The following KMT2A variants were observed in gnomAD, a reference collection of about 807,000 sequenced individuals.
KMT2A encodes the protein lysine methyltransferase 2A.
A neutral mutation model predicts 345.3 loss-of-function variants in KMT2A; 16 were observed. The ratio of observed to expected loss-of-function variants is 0.05; its 90% CI spans 0.03 to 0.07. The LOEUF (loss-of-function observed/expected upper bound fraction) is 0.07, where lower values mean the gene tolerates loss of function less well. KMT2A is among the 10% of genes least tolerant of loss of function. The pLI, the probability that KMT2A is intolerant of heterozygous loss-of-function variation, is 1.00. For synonymous variants in KMT2A, 1,599 were observed against 1,778.6 expected, an observed-to-expected ratio of 0.90 and a Z score of 2.54; for missense variants, 3,272 against 4,841.6, an observed-to-expected ratio of 0.68 and a Z score of 9.62.
At chr11:118,499,705 C>T (rs1950468837) in intron 23 of KMT2A, 130 bp from the exon 24 acceptor site, 2 of 708,756 alleles carry the variant, frequency 2.8e-6, no homozygotes, top group South Asian at 3.4e-5. Flanking sequence ...ACTTGAACCC[C>T]GGAGGCAGAG....
chr11:118,505,618 C>A lies in KMT2A; in HGVS notation c.9726C>A (p.Thr3242=), dbSNP rs539529548. The A allele has an allele frequency of 6.2e-7, 1 of 1,614,142 alleles. No homozygotes were observed. Among genetic ancestry groups the A allele is most frequent in the East Asian group, 2.2e-5 (1 of 44,888 alleles). ...RKNKKLAPSS[T]PSNIAPSDVV... ...ATAAAAAACTTGCTCCCTCTAGTACCCCTTCAAACATTGCCCCTTCTGATG... is the reference window on the plus strand; with the variant it reads ...ATAAAAAACTTGCTCCCTCTAGTACACCTTCAAACATTGCCCCTTCTGATG... The change falls in exon 27 of 36, where the codon ACC becomes ACA. Residue 3242 remains threonine, a synonymous_variant. Coordinates refer to ENST00000534358, the MANE Select transcript of KMT2A (RefSeq NM_001197104.2). The surrounding 1 kb of genome is among the most constrained non-coding windows in gnomAD (Gnocchi z 4.6).
At position 118,524,379 on chromosome 11, in the gene KMT2A, C is replaced by G. The variant is rs1951036573; in HGVS notation, c.*2207C>G. Reference sequence around the variant, plus strand: ...GCCCAGCACTCTCTGCCCCAGGACTCATGGCTCTGCTGTGCCTTCCATCCT... The same window carrying G: ...GCCCAGCACTCTCTGCCCCAGGACTGATGGCTCTGCTGTGCCTTCCATCCT... On this transcript the variant is annotated 3_prime_UTR_variant, in exon 36 of 36. Coordinates refer to ENST00000534358, the MANE Select transcript of KMT2A (RefSeq NM_001197104.2). 1 of 192,844 alleles carries G rather than the reference C, an allele frequency of 5.2e-6. No individual in the cohort carries two copies. Among genetic ancestry groups the G allele is most frequent in the Non-Finnish European group, 1.1e-5 (1 of 91,982 alleles). 11.9% of individuals were successfully genotyped at this position (192,844 alleles called of 1,614,324 possible). A position where few individuals can be genotyped will look rare whatever the true frequency, so the allele number is the denominator to read the frequency against.
At position 118,475,134 on chromosome 11, in the gene KMT2A, A is replaced by AAAAT. The variant is rs556259724; in HGVS notation, c.3156+839_3156+842dup. Among the ~76,000 whole-genome samples the AAAAT allele has an allele frequency of 2.5e-3, 382 of 152,248 alleles. 1 individual carries two copies. Among genetic ancestry groups the AAAAT allele is most frequent in the African/African-American group, 8.4e-3 (347 of 41,526 alleles). ...GGCCAATAGAGTAAGTCTCTATCTC[A>AAAAT]AAATAAATAAATAAATAAATAAACA... On this transcript the variant is annotated intron_variant, in intron 3 of 35. Transcript: ENST00000534358.
chr11:118,487,324 G>C (rs1200934301), intron 10 of KMT2A, among the ~76,000 whole-genome samples: 4 of 152,030 alleles, frequency 2.6e-5, no homozygotes, highest in Non-Finnish European at 5.9e-5. Flanking sequence ...GTTGTACATA[G>C]CAATCTCACA....
Position 118,497,620 on chromosome 11 carries a change from A to G in KMT2A, c.5665-316A>G, listed in dbSNP as rs1021048286. On this transcript the variant is annotated intron_variant, in intron 20 of 35. Coordinates refer to ENST00000534358, the MANE Select transcript of KMT2A (RefSeq NM_001197104.2). The surrounding 1 kb of genome is among the most constrained non-coding windows in gnomAD (Gnocchi z 4.8). ...CCTATGTTGCCCAGGCTGGTCTCAA[A>G]CTCTTGGGCTCAAGCGATCCTACCA... Among the ~76,000 whole-genome samples the G allele has an allele frequency of 6.6e-6, 1 of 151,470 alleles. No homozygotes were observed. Among genetic ancestry groups the G allele is most frequent in the Admixed American group, 6.6e-5 (1 of 15,196 alleles).
In KMT2A at chr11:118,494,845, T is replaced by C; in HGVS notation, c.5363+78T>C. The C allele has an allele frequency of 1.7e-6, 2 of 1,174,796 alleles. No homozygotes were observed. The highest frequency in any genetic ancestry group is 2.5e-6 in the Non-Finnish European group (2 of 796,176). The allele number at this position is 1,174,796 out of a possible 1,614,324, so 72.8% of individuals were successfully genotyped here. ...AGTTCTCATATTTCTAGATTGCAGT[T>C]TTCCAAAAGGTTTTAATACTAGAAA... On this transcript the variant is annotated intron_variant, in intron 18 of 35. Coordinates refer to ENST00000534358, the MANE Select transcript of KMT2A (RefSeq NM_001197104.2). This position sits in a 1 kb window ranked among gnomAD's most constrained non-coding sequence, Gnocchi z 5.8.
At position 118,494,351 on chromosome 11, in the gene KMT2A, C is replaced by A. The variant is rs2134349823; in HGVS notation, c.5242C>A (p.Pro1748Thr). The change falls in exon 17 of 36, where the codon CCA becomes ACA. Residue 1748 changes from proline (P) to threonine (T), a missense_variant. Pro to Thr is a conservative substitution (Grantham distance 38). This residue lies in a region of KMT2A where 235 missense variants were observed against 503.4 expected (regional missense o/e 0.47). Coordinates refer to ENST00000534358, the MANE Select transcript of KMT2A (RefSeq NM_001197104.2). The surrounding 1 kb of genome is among the most constrained non-coding windows in gnomAD (Gnocchi z 5.8). ...AGCCATTAATTCAGATGGAGGACAG[C>A]CAGAAATTAAAAAAGCCAACAGCAT... Reference protein sequence around the residue: ...QAAINSDGGQPEIKKANSMVK... With the variant: ...QAAINSDGGQTEIKKANSMVK... 6.2e-7 allele frequency: 1 copy of A among 1,610,362 alleles called. No individual in the cohort carries two copies. Among genetic ancestry groups the A allele is most frequent in the South Asian group, 1.1e-5 (1 of 90,980 alleles).
At position 118,473,474 on chromosome 11, in the gene KMT2A, C is replaced by T. The variant is rs2134267463; in HGVS notation, c.2315C>T (p.Pro772Leu). Reference sequence around the variant, plus strand: ...AGTTCTGAGCTCTCACCTCTCACCCCCCCGTCTTCTGTCTCTTCCTCGTTA... The same window carrying T: ...AGTTCTGAGCTCTCACCTCTCACCCTCCCGTCTTCTGTCTCTTCCTCGTTA... ...LSSSELSPLT[P>L]PSSVSSSLSI... Residue 772 changes from proline (P) to leucine (L), a missense_variant, in exon 3 of 36, where the codon CCC becomes CTC. Pro to Leu is a moderately conservative substitution (Grantham distance 98). Transcript: ENST00000534358. This position sits in a 1 kb window ranked among gnomAD's most constrained non-coding sequence, Gnocchi z 5.2. 1 of 1,614,180 alleles carries T rather than the reference C, an allele frequency of 6.2e-7. No homozygotes were observed. The highest frequency in any genetic ancestry group is 8.5e-7 in the Non-Finnish European group (1 of 1,180,040).
At position 118,488,816 on chromosome 11, in the gene KMT2A, T is replaced by G; in HGVS notation, c.4479+56T>G. The G allele has an allele frequency of 9.0e-6, 14 of 1,555,418 alleles. No individual in the cohort carries two copies. In the South Asian group the frequency reaches 1.5e-4, roughly 17 times the overall value. ...GGCCTCTGTATCAGTGGGTTCTGTA[T>G]CCCTGGACTCAACCAACCTTGGATT... On this transcript the variant is annotated intron_variant, in intron 11 of 35. Coordinates refer to ENST00000534358, the MANE Select transcript of KMT2A (RefSeq NM_001197104.2).
intron 24 of KMT2A, chr11:118,500,631 C>A (rs1199105768): frequency 6.2e-6 from 1 of 160,716 alleles, no homozygotes; most frequent in Non-Finnish European, 1.4e-5. Flanking sequence ...ATTTTCAGGC[C>A]GTACTTTGTA....
rs1159652535 is a variant in KMT2A at position 118,478,208 on chromosome 11, G to A, written c.3569+7G>A. The A allele has an allele frequency of 6.2e-7, 1 of 1,605,700 alleles. No individual in the cohort carries two copies. ...TAAAGAAGCAGTGCTGCAAGTAAGTGGGTGTTTCACTCTGAGATGTTGACC... is the reference window on the plus strand; with the variant it reads ...TAAAGAAGCAGTGCTGCAAGTAAGTAGGTGTTTCACTCTGAGATGTTGACC... On this transcript the variant is annotated splice_region_variant and intron_variant, in intron 5 of 35. Transcript: ENST00000534358.
At chr11:118,516,812 A>G (rs2135266949) in intron 31 of KMT2A, among the ~76,000 whole-genome samples, 1 of 152,332 alleles carries the variant, frequency 6.6e-6, no homozygotes, top group Middle Eastern at 3.4e-3. Context: ...TGCACATTGC[A>G]TGGTTTGTAT....
rs1950325069 is a variant in KMT2A at position 118,491,603 on chromosome 11, G to C, written c.4820-141G>C. On this transcript the variant is annotated intron_variant, in intron 14 of 35. Transcript: ENST00000534358. This position sits in a 1 kb window ranked among gnomAD's most constrained non-coding sequence, Gnocchi z 4.2. ...TAATGCCACTTTTTGAGATCAATAT[G>C]TGTCATATCCATGAGGACATTAAAA... 1 of 686,128 alleles carries C rather than the reference G, an allele frequency of 1.5e-6. No individual in the cohort carries two copies. Among genetic ancestry groups the C allele is most frequent in the African/African-American group, 1.8e-5 (1 of 55,738 alleles). 42.5% of individuals were successfully genotyped at this position (686,128 alleles called of 1,614,324 possible).
At position 118,510,267 on chromosome 11, in the gene KMT2A, A is replaced by G; in HGVS notation, c.11071+149A>G. On this transcript the variant is annotated intron_variant, in intron 30 of 35. Transcript: ENST00000534358. This position sits in a 1 kb window ranked among gnomAD's most constrained non-coding sequence, Gnocchi z 4.1. ...GCATCATACATTTTCCTTGTCCTTGAGAAGTTTGTCTTATTGGAGAAATAG... is the reference window on the plus strand; with the variant it reads ...GCATCATACATTTTCCTTGTCCTTGGGAAGTTTGTCTTATTGGAGAAATAG... 1.6e-6 allele frequency: 1 copy of G among 610,602 alleles called. No homozygotes were observed. Among genetic ancestry groups the G allele is most frequent in the East Asian group, 2.9e-5 (1 of 34,872 alleles). 37.8% of individuals were successfully genotyped at this position (610,602 alleles called of 1,614,324 possible). A position where few individuals can be genotyped will look rare whatever the true frequency, so the allele number is the denominator to read the frequency against.
chr11:118,467,376 C>CAA (rs782320114), intron 1 of KMT2A, among the ~76,000 whole-genome samples: 6 of 114,216 alleles, frequency 5.3e-5, no homozygotes, highest in African/African-American at 1.6e-4. Context: ...GACTCCGTCT[C>CAA]AAAAAAAAAA....
chr11:118,501,373 G>A (rs1386098165), intron 25 of KMT2A, among the ~76,000 whole-genome samples: 1 of 152,010 alleles, frequency 6.6e-6, no homozygotes, highest in Non-Finnish European at 1.5e-5. Context: ...GGAGGCAGAG[G>A]CACAAGAATC....
chr11:118,480,271 C>T lies in KMT2A; in HGVS notation c.3634+33C>T, dbSNP rs782015263. On this transcript the variant is annotated intron_variant, in intron 6 of 35. Coordinates refer to ENST00000534358, the MANE Select transcript of KMT2A (RefSeq NM_001197104.2). The stretch of plus-strand genomic sequence containing the variant: ...TGTTAAAAAGGTCTTCCCCCAAATG[C>T]TCCTTGCTTAAATGGTGTATAGTTG... 13 of 1,567,864 alleles carry T rather than the reference C, an allele frequency of 8.3e-6. No individual in the cohort carries two copies. In the Admixed American group the frequency reaches 1.3e-4, roughly 16 times the overall value.
intron 1 of KMT2A, chr11:118,448,422 T>A (rs2076422171): frequency 6.6e-6 from 1 of 152,188 alleles, no homozygotes; most frequent in South Asian, 2.1e-4. Flanking sequence ...CTTTTGAGGC[T>A]GTGTAGAGGG....
intron 10 of KMT2A, among the ~76,000 whole-genome samples, chr11:118,486,066 G>A (rs1342523699): frequency 6.6e-6 from 1 of 152,138 alleles, no homozygotes; most frequent in East Asian, 1.9e-4. Flanking sequence ...CTGGGCGACA[G>A]AGCAAGACTC....
Sources: gnomAD v4.1 joint callset for allele counts (sites outside exome capture counted in the v4.1 genomes callset) on GRCh38, gnomAD v4.1.1 for gene constraint, gnomAD v4.1.1 regional missense constraint, Gnocchi (gnomAD v3.1) non-coding constraint, MANE v1.5 for transcripts, NCBI Gene and HGNC (gene_info 2026-07-23, HGNC 2026-07-21) for gene names.